FBLN2: variants seen among roughly 807,000 people sequenced by gnomAD.
FBLN2 encodes fibulin-2.
A neutral mutation model predicts 123.7 loss-of-function variants in FBLN2; 81 were observed. The ratio of observed to expected loss-of-function variants is 0.65; its 90% CI spans 0.55 to 0.79. The LOEUF (loss-of-function observed/expected upper bound fraction) is 0.79. Ranked by LOEUF, FBLN2 falls within the 30% of genes least tolerant of loss-of-function variation. The pLI, the probability that FBLN2 is intolerant of heterozygous loss-of-function variation, is 0.00. For synonymous variants in FBLN2, 699 were observed against 701.4 expected, an observed-to-expected ratio of 1.00 and a Z score of 0.05; for missense variants, 1,603 against 1,681.3, an observed-to-expected ratio of 0.95 and a Z score of 0.81.
In FBLN2 at chr3:13,626,553, A is replaced by G. The variant is rs1214089790; in HGVS notation, c.2405A>G (p.Tyr802Cys). 1 of 1,551,922 alleles carries G rather than the reference A, an allele frequency of 6.4e-7. No individual in the cohort carries two copies. Among genetic ancestry groups the G allele is most frequent in the Non-Finnish European group, 8.7e-7 (1 of 1,147,308 alleles). The change falls in exon 10 of 18, where the codon TAT becomes TGT. Residue 802 changes from tyrosine (Y) to cysteine (C), a missense_variant. Tyr to Cys is a radical substitution (Grantham distance 194). Transcript: ENST00000404922. Reference sequence around the variant, plus strand: ...AAGGCACTCACCTGTGAGCCAGGCTATGCCCTCAAGGATGGCGAGTGCGAA... The same window carrying G: ...AAGGCACTCACCTGTGAGCCAGGCTGTGCCCTCAAGGATGGCGAGTGCGAA... ...CYKALTCEPGYALKDGECEDV... is the reference protein window; with the variant it reads ...CYKALTCEPGCALKDGECEDV...
intron 1 of FBLN2, among the ~76,000 whole-genome samples, chr3:13,563,602 G>A (rs960081017): frequency 5.9e-5 from 9 of 152,164 alleles, no homozygotes; most frequent in African/African-American, 9.7e-5. Context: ...GCCCTCAAGC[G>A]TCCCTGCCTC....
chr3:13,636,362 C>G (rs979180733), intron 16 of FBLN2, 83 bp from the exon 17 acceptor site: 6 of 1,551,870 alleles, frequency 3.9e-6, no homozygotes, highest in Non-Finnish European at 5.2e-6. Context: ...GCCGTGGGGC[C>G]CAGGCCTTTC....
chr3:13,549,182 G>A lies in FBLN2; in HGVS notation c.-68G>A. ...GCGCCGACGGCCGGGCGGACGGACGGACGGACGCCGAGCGCAGTGCCCCGC... is the reference window on the plus strand; with the variant it reads ...GCGCCGACGGCCGGGCGGACGGACGAACGGACGCCGAGCGCAGTGCCCCGC... On this transcript the variant is annotated 5_prime_UTR_variant, in exon 1 of 18. Transcript: ENST00000404922. 4.1e-6 allele frequency: 4 copies of A among 983,342 alleles called. No homozygotes were observed. 60.9% of individuals were successfully genotyped at this position (983,342 alleles called of 1,614,324 possible).
At chr3:13,624,289 T>C (rs1705950989) in intron 9 of FBLN2, among the ~76,000 whole-genome samples, 1 of 152,180 alleles carries the variant, frequency 6.6e-6, no homozygotes, top group African/African-American at 2.4e-5. Flanking sequence ...CAGAACGATG[T>C]CCTCTAAACC....
rs781729573 is a variant in FBLN2 at position 13,619,804 on chromosome 3, A to T, written c.2128A>T (p.Ile710Phe). 6.2e-7 allele frequency: 1 copy of T among 1,612,682 alleles called. No individual in the cohort carries two copies. The highest frequency in any genetic ancestry group is 2.2e-5 in the East Asian group (1 of 44,808). The change falls in exon 8 of 18, where the codon ATC (isoleucine) becomes TTC (phenylalanine). Residue 710 changes from isoleucine to phenylalanine, a missense_variant. Coordinates refer to ENST00000404922, the MANE Select transcript of FBLN2 (RefSeq NM_001004019.2). ...ATGCTCCTGTTTTCCCGGCTATGCC[A>T]TCATGGCGGATGGCGTGTCCTGTGA... ...AICSCFPGYA[I>F]MADGVSCEDQ...
chr3:13,629,071 T>TGCCA (rs771001762), intron 12 of FBLN2, 23 bp downstream of exon 12: 2 of 1,612,804 alleles, frequency 1.2e-6, no homozygotes, highest in South Asian at 2.2e-5. Flanking sequence ...GCCTCCGCCC[T>TGCCA]GCCAGCCAGC....
chr3:13,552,834 C>T (rs1703360877), intron 1 of FBLN2, among the ~76,000 whole-genome samples: 1 of 152,138 alleles, frequency 6.6e-6, no homozygotes, highest in South Asian at 2.1e-4. Context: ...TTCATCACCC[C>T]ACAGTGCTGG....
chr3:13,595,495 C>T (rs1202287252), intron 2 of FBLN2, among the ~76,000 whole-genome samples: 1 of 152,206 alleles, frequency 6.6e-6, no homozygotes, highest in Admixed American at 6.5e-5. Flanking sequence ...ACTCAAGGCG[C>T]CTCCACAGAC....
intron 2 of FBLN2, among the ~76,000 whole-genome samples, chr3:13,603,797 C>T (rs920028862): frequency 3.9e-5 from 6 of 152,188 alleles, no homozygotes; most frequent in African/African-American, 1.4e-4. Flanking sequence ...TTCTAGATCC[C>T]TGAGCAATCG....
chr3:13,633,569 A>T (rs1706337185), intron 16 of FBLN2, among the ~76,000 whole-genome samples: 1 of 152,250 alleles, frequency 6.6e-6, no homozygotes, highest in Admixed American at 6.5e-5. Context: ...CCTGACCTTC[A>T]GAGCTAAGAG....
At chr3:13,603,196 C>T (rs1383915127) in intron 2 of FBLN2, among the ~76,000 whole-genome samples, 1 of 151,630 alleles carries the variant, frequency 6.6e-6, no homozygotes, top group African/African-American at 2.4e-5. Flanking sequence ...CAGGTGTGAG[C>T]CACTACGCCT....
intron 2 of FBLN2, among the ~76,000 whole-genome samples, chr3:13,606,503 T>G (rs571706938): frequency 2.0e-5 from 3 of 152,118 alleles, no homozygotes; most frequent in South Asian, 4.2e-4. Flanking sequence ...AACTCAGGAG[T>G]GAGGGGTGCT....
intron 16 of FBLN2, among the ~76,000 whole-genome samples, chr3:13,633,301 C>A (rs1196567437): frequency 1.3e-5 from 2 of 152,278 alleles, no homozygotes; most frequent in South Asian, 4.1e-4. Flanking sequence ...TGCTCCTCTG[C>A]CCCGACGACT....
At chr3:13,558,153 C>T (rs915878056) in intron 1 of FBLN2, among the ~76,000 whole-genome samples, 1 of 152,216 alleles carries the variant, frequency 6.6e-6, no homozygotes, top group African/African-American at 2.4e-5. Context: ...TGGCTGCTGC[C>T]TCCTTCCAGA....
chr3:13,614,299 G>A, intron 5 of FBLN2, 135 bp downstream of exon 5: 1 of 882,544 alleles, frequency 1.1e-6, no homozygotes. Context: ...TTCTGAGGAT[G>A]GTGATTTCAT....
chr3:13,563,302 C>T (rs1276538656), intron 1 of FBLN2, among the ~76,000 whole-genome samples: 6 of 152,212 alleles, frequency 3.9e-5, no homozygotes, highest in Non-Finnish European at 7.3e-5. Context: ...CACATGTCTC[C>T]CAGCGGCCAC....
intron 2 of FBLN2, among the ~76,000 whole-genome samples, chr3:13,580,301 C>G (rs1704282585): frequency 6.6e-6 from 1 of 152,186 alleles, no homozygotes; most frequent in African/African-American, 2.4e-5. Context: ...ACGTTGTTCA[C>G]TTGTTCGCCC....
intron 2 of FBLN2, among the ~76,000 whole-genome samples, chr3:13,602,417 C>T (rs963113620): frequency 4.6e-5 from 7 of 152,080 alleles, no homozygotes; most frequent in African/African-American, 1.4e-4. Context: ...TTAAGCATTT[C>T]GTTTTTTGGA....
At chr3:13,584,135 T>C (rs1704424171) in intron 2 of FBLN2, among the ~76,000 whole-genome samples, 2 of 152,202 alleles carry the variant, frequency 1.3e-5, no homozygotes, top group South Asian at 4.1e-4. Context: ...GGTCCAAGAT[T>C]TTGGATTTTC....
Sources: allele counts gnomAD v4.1 joint callset (sites outside exome capture counted in the v4.1 genomes callset), GRCh38; gene constraint gnomAD v4.1.1; transcripts MANE v1.5; gene names NCBI Gene and HGNC (gene_info 2026-07-23, HGNC 2026-07-21).